The following DLG2 variants were observed in gnomAD, a reference collection of about 807,000 sequenced individuals.
The protein encoded by DLG2 is disks large homolog 2.
A neutral mutation model predicts 132.5 loss-of-function variants in DLG2; 45 were observed. The ratio of observed to expected loss-of-function variants is 0.34; its 90% CI spans 0.27 to 0.44. The LOEUF (loss-of-function observed/expected upper bound fraction) is 0.44. Ranked by LOEUF, DLG2 falls within the 20% of genes least tolerant of loss-of-function variation. DLG2 has a pLI of 1.00. For missense variants in DLG2, 1,045 were observed against 1,196.9 expected (o/e 0.87, Z 1.87); for synonymous variants, 424 against 419.6 (o/e 1.01, Z -0.13).
chr11:83,833,832 TA>T, intron 16 of DLG2, 62 bp from the exon 17 acceptor site: 9 of 1,546,070 alleles, frequency 5.8e-6, no homozygotes, highest in Non-Finnish European at 7.9e-6. Flanking sequence ...ACGTTGCTTT[TA>T]CTTTCAATGG....
At position 83,463,245 on chromosome 11, in the gene DLG2, G is replaced by A. The variant is rs544756269; in HGVS notation, c.2730-1152C>T. The stretch of plus-strand genomic sequence containing the variant: ...TACCAAGACTTGATATCTTTCAAAA[G>A]AGGCTATTTGGAAAAAAAAAAAACA... On this transcript the variant is annotated intron_variant, in intron 26 of 27. Transcript: ENST00000376104. Among the ~76,000 whole-genome samples, 5 of 142,904 alleles carry A rather than the reference G, an allele frequency of 3.5e-5. No homozygotes were observed. The East Asian group carries it at 8.0e-4, about 23-fold the overall frequency. The allele number at this position is 142,904 out of a possible 152,430, so 93.8% of individuals were successfully genotyped here.
At chr11:83,473,577 T>C (rs888542595) in intron 22 of DLG2, among the ~76,000 whole-genome samples, 1 of 152,108 alleles carries the variant, frequency 6.6e-6, no homozygotes, top group African/African-American at 2.4e-5. Context: ...TTAGCTCAAT[T>C]TCACCTGCAA....
chr11:84,356,851 C>CT (rs2098615762), intron 7 of DLG2, among the ~76,000 whole-genome samples: 1 of 151,812 alleles, frequency 6.6e-6, no homozygotes, highest in Non-Finnish European at 1.5e-5. Flanking sequence ...GACATTTCAG[C>CT]AAGTGACATA....
intron 7 of DLG2, among the ~76,000 whole-genome samples, chr11:84,426,767 T>A (rs1023881762): frequency 3.3e-5 from 5 of 152,048 alleles, no homozygotes; most frequent in African/African-American, 1.2e-4. Flanking sequence ...GCATCTTGAG[T>A]CATTCAGCAC....
intron 3 of DLG2, among the ~76,000 whole-genome samples, chr11:85,301,090 G>A (rs1425019990): frequency 6.6e-6 from 1 of 151,964 alleles, no homozygotes; most frequent in South Asian, 2.1e-4. Flanking sequence ...GATCCCAGCT[G>A]CTCAGCAGGC....
chr11:85,335,541 G>T (rs576434329), intron 3 of DLG2, among the ~76,000 whole-genome samples: 1 of 152,238 alleles, frequency 6.6e-6, no homozygotes, highest in Non-Finnish European at 1.5e-5. Flanking sequence ...CTTTGTAATG[G>T]CAAGTACTGA....
chr11:83,877,441 C>T (rs1240282614), intron 15 of DLG2, among the ~76,000 whole-genome samples: 1 of 152,106 alleles, frequency 6.6e-6, no homozygotes, highest in Non-Finnish European at 1.5e-5. Flanking sequence ...TTTCTGATAG[C>T]TTTCTCATCA....
intron 6 of DLG2, among the ~76,000 whole-genome samples, chr11:84,571,375 C>T (rs2099484283): frequency 6.6e-6 from 1 of 151,732 alleles, no homozygotes; most frequent in Non-Finnish European, 1.5e-5. Context: ...CTTCTTCCTC[C>T]TCCTCCTCCT....
intron 6 of DLG2, among the ~76,000 whole-genome samples, chr11:84,820,727 A>G (rs1598874321): frequency 7.4e-6 from 1 of 135,642 alleles, no homozygotes; most frequent in African/African-American, 2.7e-5. Flanking sequence ...AAAGTGAAAT[A>G]CCTTTTTTTT....
At chr11:85,138,220 T>G (rs2076246081) in intron 5 of DLG2, among the ~76,000 whole-genome samples, 1 of 152,180 alleles carries the variant, frequency 6.6e-6, no homozygotes, top group Non-Finnish European at 1.5e-5. Context: ...CTCCCAGTTA[T>G]TATCATCATC....
chr11:83,834,957 TC>T (rs531409540), intron 16 of DLG2, among the ~76,000 whole-genome samples: 120 of 152,342 alleles, frequency 7.9e-4, no homozygotes, highest in African/African-American at 2.6e-3. Flanking sequence ...GAAAGAGCCA[TC>T]CCATGTATTT....
At chr11:84,454,375 A>G (rs1463692600) in intron 7 of DLG2, among the ~76,000 whole-genome samples, 1 of 151,556 alleles carries the variant, frequency 6.6e-6, no homozygotes, top group East Asian at 1.9e-4. Context: ...ATGTAAATGT[A>G]GAATAGAACA....
chr11:85,069,806 C>T (rs1239864118), intron 6 of DLG2, among the ~76,000 whole-genome samples: 15 of 151,924 alleles, frequency 9.9e-5, no homozygotes, highest in African/African-American at 3.4e-4. Context: ...TTACTGGGTA[C>T]ACACCCAAAG....
intron 2 of DLG2, among the ~76,000 whole-genome samples, chr11:85,621,815 C>T (rs769702098): frequency 6.6e-6 from 1 of 152,140 alleles, no homozygotes; most frequent in African/African-American, 2.4e-5. Flanking sequence ...TTTGAAATGG[C>T]AACAAAGGGT....
At chr11:85,363,115 C>T (rs1024876737) in intron 3 of DLG2, among the ~76,000 whole-genome samples, 5 of 152,138 alleles carry the variant, frequency 3.3e-5, no homozygotes, top group African/African-American at 4.8e-5. Context: ...TAGGAGTCTT[C>T]GGCAAGTACC....
At chr11:83,722,873 G>A (rs143198175) in intron 18 of DLG2, among the ~76,000 whole-genome samples, 2 of 152,262 alleles carry the variant, frequency 1.3e-5, no homozygotes, top group African/African-American at 2.4e-5. Context: ...ATGAAATGAC[G>A]CATCTGGCTT....
intron 19 of DLG2, among the ~76,000 whole-genome samples, chr11:83,569,424 A>T (rs2096761522): frequency 6.6e-6 from 1 of 152,144 alleles, no homozygotes; most frequent in Admixed American, 6.6e-5. Context: ...CATCTTATTG[A>T]ATTTTTTGCT....
At chr11:84,714,627 CTCTCTCTCTCTCTCTCTCTT>C (rs1456350696) in intron 6 of DLG2, among the ~76,000 whole-genome samples, 8 of 107,290 alleles carry the variant, frequency 7.5e-5, no homozygotes, top group Admixed American at 7.3e-4. Context: ...TTCTCTTTCT[CTCTCTCTCTCTCTCTCTCTT>C]TCTCTCTCTC....
chr11:84,397,097 T>C (rs2098813557), intron 7 of DLG2, among the ~76,000 whole-genome samples: 1 of 152,152 alleles, frequency 6.6e-6, no homozygotes, highest in African/African-American at 2.4e-5. Flanking sequence ...TTAAGTACCT[T>C]GATTCTTAAC....
Sources: gnomAD v4.1 joint callset for allele counts (sites outside exome capture counted in the v4.1 genomes callset) on GRCh38, gnomAD v4.1.1 for gene constraint, MANE v1.5 for transcripts, NCBI Gene and HGNC (gene_info 2026-07-23, HGNC 2026-07-21) for gene names.